RPTOR: variants seen among roughly 807,000 people sequenced by gnomAD.
RPTOR encodes regulatory associated protein of MTOR complex 1.
A neutral mutation model predicts 169.9 loss-of-function variants in RPTOR; 21 were observed. The ratio of observed to expected loss-of-function variants is 0.12; its 90% CI spans 0.09 to 0.18. The LOEUF (loss-of-function observed/expected upper bound fraction) is 0.18, where lower values mean the gene tolerates loss of function less well. Ranked by LOEUF, RPTOR falls within the 10% of genes least tolerant of loss-of-function variation. The pLI, the probability that RPTOR is intolerant of heterozygous loss-of-function variation, is 1.00. For synonymous variants in RPTOR, 732 were observed against 753.2 expected (o/e 0.97, Z 0.46); for missense variants, 1,133 against 1,855.9 (o/e 0.61, Z 7.16).
At chr17:80,907,294 A>G (rs2068555905) in intron 20 of RPTOR, among the ~76,000 whole-genome samples, 1 of 152,258 alleles carries the variant, frequency 6.6e-6, no homozygotes, top group South Asian at 2.1e-4. Flanking sequence ...AATAAAGAAG[A>G]TGGAGTTCTG....
intron 5 of RPTOR, among the ~76,000 whole-genome samples, chr17:80,743,834 C>T (rs1311155217): frequency 3.1e-4 from 38 of 121,692 alleles, no homozygotes; most frequent in African/African-American, 1.1e-3. Flanking sequence ...TGGCTACTAG[C>T]ACAGCCCTGG....
At chr17:80,813,407 G>A (rs939430762) in intron 7 of RPTOR, among the ~76,000 whole-genome samples, 1 of 152,220 alleles carries the variant, frequency 6.6e-6, no homozygotes, top group African/African-American at 2.4e-5. Flanking sequence ...TCCCCAAAGA[G>A]TTGTATTTTT....
intron 24 of RPTOR, among the ~76,000 whole-genome samples, chr17:80,925,908 C>G (rs1244997347): frequency 6.6e-6 from 1 of 152,238 alleles, no homozygotes; most frequent in Non-Finnish European, 1.5e-5. Flanking sequence ...TGACACAGCC[C>G]TAACAAGCGC....
rs1209880874 is a variant in RPTOR, at chr17:80,936,735, C to A, written c.2920-3761C>A. 1.3e-5 allele frequency among the ~76,000 whole-genome samples: 2 copies of A among 152,260 alleles called. No homozygotes were observed. The highest frequency in any genetic ancestry group is 2.9e-5 in the Non-Finnish European group (2 of 68,046). The stretch of plus-strand genomic sequence containing the variant: ...ATTCACTGTACGTAAGTTACATCTT[C>A]ATCAACCTCATGTTGCGGGGAGAAG... On this transcript the variant is annotated intron_variant, in intron 24 of 33. Coordinates refer to ENST00000306801, the MANE Select transcript of RPTOR (RefSeq NM_020761.3). This position sits in a 1 kb window ranked among gnomAD's most constrained non-coding sequence, Gnocchi z 4.1.
intron 1 of RPTOR, among the ~76,000 whole-genome samples, chr17:80,618,701 G>A (rs1271265523): frequency 1.3e-5 from 2 of 152,214 alleles, no homozygotes; most frequent in African/African-American, 2.4e-5. Context: ...GAGGCCTCTG[G>A]CTCAAGGTAA....
At chr17:80,769,496 G>A (rs1234052197) in intron 6 of RPTOR, among the ~76,000 whole-genome samples, 1 of 152,140 alleles carries the variant, frequency 6.6e-6, no homozygotes, top group Non-Finnish European at 1.5e-5. Context: ...CCTGTCCCAG[G>A]TAGCCAGTAA....
intron 21 of RPTOR, among the ~76,000 whole-genome samples, chr17:80,909,319 G>A (rs540722025): frequency 6.6e-6 from 1 of 152,082 alleles, no homozygotes; most frequent in East Asian, 1.9e-4. Context: ...GGGCTCAAGG[G>A]ATCCTCCTGC....
chr17:80,900,579 G>T (rs1469299877), intron 20 of RPTOR, among the ~76,000 whole-genome samples: 2 of 152,204 alleles, frequency 1.3e-5, no homozygotes, highest in Admixed American at 1.3e-4. Context: ...GCCTCCCAAA[G>T]TGCTGGGATT....
At chr17:80,734,988 A>G (rs2066423011) in intron 5 of RPTOR, among the ~76,000 whole-genome samples, 1 of 152,228 alleles carries the variant, frequency 6.6e-6, no homozygotes, top group Admixed American at 6.5e-5. Context: ...ACCATTTTAT[A>G]TCTGTGCATT....
At chr17:80,932,072 C>T (rs2068904325) in intron 24 of RPTOR, among the ~76,000 whole-genome samples, 2 of 151,904 alleles carry the variant, frequency 1.3e-5, no homozygotes, top group African/African-American at 2.4e-5. Flanking sequence ...AACCCAAGCC[C>T]ATTTCAGTGC....
At chr17:80,835,808 A>G (rs540780558) in intron 9 of RPTOR, among the ~76,000 whole-genome samples, 1 of 152,342 alleles carries the variant, frequency 6.6e-6, no homozygotes, top group African/African-American at 2.4e-5. Context: ...TCGGAAACCC[A>G]AAACACTTCC....
At chr17:80,652,814 A>G (rs972933491) in intron 3 of RPTOR, among the ~76,000 whole-genome samples, 1 of 152,086 alleles carries the variant, frequency 6.6e-6, no homozygotes, top group African/African-American at 2.4e-5. Flanking sequence ...CTCCCAATCT[A>G]TTTTCCACAG....
At chr17:80,712,297 C>T (rs1234578888) in intron 4 of RPTOR, among the ~76,000 whole-genome samples, 1 of 152,142 alleles carries the variant, frequency 6.6e-6, no homozygotes, top group Admixed American at 6.5e-5. Context: ...GTGTGATTTC[C>T]TGCAACCACC....
chr17:80,595,650 GCT>G lies in RPTOR; in HGVS notation c.163-30036_163-30035del, dbSNP rs2065139338. ...TTTTAAAATATTTGTAGAGACCAGG[GCT>G]CTCTGTGTTGCCCAGGCTGGTCTCA... On this transcript the variant is annotated intron_variant, in intron 1 of 33. Transcript: ENST00000306801. 2.0e-5 allele frequency among the ~76,000 whole-genome samples: 3 copies of G among 152,142 alleles called. No homozygotes were observed. In the South Asian group the frequency reaches 6.2e-4, roughly 32 times the overall value.
chr17:80,925,499 G>C lies in RPTOR; in HGVS notation c.2919+19G>C. 6.3e-7 allele frequency: 1 copy of C among 1,585,302 alleles called. No individual in the cohort carries two copies. The highest frequency in any genetic ancestry group is 8.7e-7 in the Non-Finnish European group (1 of 1,154,590). Reference sequence around the variant, plus strand: ...CATGAAGGTGCGCCCGGGGTGTGGGGTTCAGAGTAGAGTCCTAGCGAACAT... The same window carrying C: ...CATGAAGGTGCGCCCGGGGTGTGGGCTTCAGAGTAGAGTCCTAGCGAACAT... On this transcript the variant is annotated intron_variant, in intron 24 of 33. Coordinates refer to ENST00000306801, the MANE Select transcript of RPTOR (RefSeq NM_020761.3).
At position 80,842,253 on chromosome 17, in the gene RPTOR, T is replaced by C. The variant is rs1170781408; in HGVS notation, c.1213-4220T>C. Among the ~76,000 whole-genome samples, 3 of 152,266 alleles carry C rather than the reference T, an allele frequency of 2.0e-5. No homozygotes were observed. In the South Asian group the frequency reaches 6.2e-4, roughly 31 times the overall value. Reference sequence around the variant, plus strand: ...ATTGGTCCTCCCTTTGAAATGTCGATATCTTCTTCAGTATGGATTTTTGTA... The same window carrying C: ...ATTGGTCCTCCCTTTGAAATGTCGACATCTTCTTCAGTATGGATTTTTGTA... On this transcript the variant is annotated intron_variant, in intron 10 of 33. Transcript: ENST00000306801.
chr17:80,769,002 A>G (rs79449541), intron 6 of RPTOR, among the ~76,000 whole-genome samples: 214 of 152,268 alleles, frequency 1.4e-3, no homozygotes, highest in African/African-American at 5.0e-3. Flanking sequence ...TTTCATCCTC[A>G]TTTTACTTGT....
intron 10 of RPTOR, among the ~76,000 whole-genome samples, chr17:80,841,299 A>T (rs79589793): frequency 3.1e-3 from 38 of 12,104 alleles, no homozygotes; most frequent in East Asian, 7.9e-3. Flanking sequence ...TCACTCTCAC[A>T]GCACGGCAGC....
chr17:80,924,747 C>T (rs575198076), intron 23 of RPTOR, among the ~76,000 whole-genome samples: 15 of 152,318 alleles, frequency 9.8e-5, no homozygotes, highest in South Asian at 2.1e-4. Context: ...GCGTGAGAGA[C>T]GCCAGCAGGC....
Sources: gnomAD v4.1 joint callset for allele counts (sites outside exome capture counted in the v4.1 genomes callset) on GRCh38, gnomAD v4.1.1 for gene constraint, Gnocchi (gnomAD v3.1) non-coding constraint, MANE v1.5 for transcripts, NCBI Gene and HGNC (gene_info 2026-07-23, HGNC 2026-07-21) for gene names.